SVEP1: variants seen among roughly 807,000 people sequenced by gnomAD.
SVEP1 encodes sushi, von Willebrand factor type A, EGF and pentraxin domain-containing protein 1.
Under a neutral mutation model 367.3 loss-of-function variants are expected in SVEP1, and 164 were observed. The ratio of observed to expected loss-of-function variants is 0.45; its 90% CI spans 0.39 to 0.51. The LOEUF (loss-of-function observed/expected upper bound fraction) is 0.51. Ranked by LOEUF, SVEP1 falls within the 20% of genes least tolerant of loss-of-function variation. The pLI is 0.00. For synonymous variants in SVEP1, 1,666 were observed against 1,611.6 expected, an observed-to-expected ratio of 1.03 and a Z score of -0.81; for missense variants, 4,117 against 4,425.3, an observed-to-expected ratio of 0.93 and a Z score of 1.98.
intron 3 of SVEP1, among the ~76,000 whole-genome samples, chr9:110,516,152 T>A (rs954528494): frequency 7.4e-5 from 11 of 149,548 alleles, no homozygotes; most frequent in African/African-American, 1.9e-4. Context: ...AACTAAAATA[T>A]AATATACTAA....
At position 110,408,218 on chromosome 9, in the gene SVEP1, G is replaced by A. The variant is rs765597776; in HGVS notation, c.7382C>T (p.Thr2461Ile). Residue 2461 changes from threonine (T) to isoleucine (I), a missense_variant, in exon 38 of 48, where the codon ACA becomes ATA. By Grantham distance (89) the Thr-to-Ile change is moderately conservative. Around this residue, in one of 4 missense-constraint regions of SVEP1, gnomAD observed 1,765 missense variants for 1,781.1 expected, o/e 0.99. Coordinates refer to ENST00000374469, the MANE Select transcript of SVEP1 (RefSeq NM_153366.4). ...GCCTGGCTTGCAGGTATAGAGAGCT[G>A]TGCTGAGATAGGCAAGGCCTTGCAC... Reference protein sequence around the residue: ...IDVQGLAYLSTALYTCKPGFE... With the variant: ...IDVQGLAYLSIALYTCKPGFE... 6.2e-7 allele frequency: 1 copy of A among 1,614,006 alleles called. No homozygotes were observed. The highest frequency in any genetic ancestry group is 1.1e-5 in the South Asian group (1 of 91,090).
In SVEP1 at chr9:110,385,959, GC is replaced by G; in HGVS notation, c.10175del (p.Gly3392AlafsTer31). 6.2e-7 allele frequency: 1 copy of G among 1,613,768 alleles called. No homozygotes were observed. Among genetic ancestry groups the G allele is most frequent in the Non-Finnish European group, 8.5e-7 (1 of 1,179,796 alleles). On this transcript the variant is annotated frameshift_variant, in exon 43 of 48. Coordinates refer to ENST00000374469, the MANE Select transcript of SVEP1 (RefSeq NM_153366.4). LOFTEE classifies it high-confidence loss of function. The part of the protein sequence containing the change: ...IKCREGFLLQ[G>X]HGIITCNPDE... ...CGGGGTTGCAGGTAATGATGCCGTG[GC>G]CCTGCAGCAGAAAACCTTCCCTACA...
chr9:110,474,938 C>T (rs1829076033), intron 14 of SVEP1, among the ~76,000 whole-genome samples: 2 of 151,100 alleles, frequency 1.3e-5, no homozygotes, highest in South Asian at 4.2e-4. Context: ...TCAGTATATA[C>T]ACAATAAGCA....
chr9:110,442,880 T>G (rs1564144101), intron 27 of SVEP1: 1 of 152,210 alleles, frequency 6.6e-6, no homozygotes, highest in Non-Finnish European at 1.5e-5. Context: ...GTATCCTAGT[T>G]TCATACAACT....
At chr9:110,458,693 A>C in intron 19 of SVEP1, 131 bp from the exon 20 acceptor site, 1 of 1,004,692 alleles carries the variant, frequency 1.0e-6, no homozygotes, top group East Asian at 2.6e-5. Flanking sequence ...CTTATATTTT[A>C]AAAAAGAAAA....
At chr9:110,389,078 G>A (rs530553500) in intron 41 of SVEP1, among the ~76,000 whole-genome samples, 11 of 152,228 alleles carry the variant, frequency 7.2e-5, no homozygotes, top group African/African-American at 1.2e-4. Flanking sequence ...AAATAAACTT[G>A]GTTGTTCTCA....
chr9:110,569,100 T>A (rs7855223), intron 1 of SVEP1, among the ~76,000 whole-genome samples: 16,473 of 149,952 alleles, frequency 0.11, 1,085 homozygotes, highest in East Asian at 0.31. Context: ...CTCAAAAAAA[T>A]AAATAAATAA....
Position 110,457,289 on chromosome 9 carries a change from C to A in SVEP1, c.3640G>T (p.Gly1214Cys), listed in dbSNP as rs1460276532. 1 of 1,612,366 alleles carries A rather than the reference C, an allele frequency of 6.2e-7. No individual in the cohort carries two copies. Among genetic ancestry groups the A allele is most frequent in the African/African-American group, 1.3e-5 (1 of 74,816 alleles). Residue 1214 changes from glycine (G) to cysteine (C), a missense_variant, in exon 21 of 48, where the codon GGT (glycine) becomes TGT (cysteine). Transcript: ENST00000374469. The part of the protein sequence containing the change: ...NSGTCQQLGR[G>C]YVCLCPLGYT... ...CCAAGTGGACAGAGACAAACATAAC[C>A]ACGCCCAAGTTGCTGGCAGGTTCCA...
At chr9:110,440,758 G>T (rs1012716690) in intron 27 of SVEP1, among the ~76,000 whole-genome samples, 1 of 152,192 alleles carries the variant, frequency 6.6e-6, no homozygotes, top group African/African-American at 2.4e-5. Flanking sequence ...CTAGCGTGAT[G>T]TGTATGGTAG....
At chr9:110,411,989 CTT>C (rs1030649563) in intron 36 of SVEP1, among the ~76,000 whole-genome samples, 19 of 152,034 alleles carry the variant, frequency 1.2e-4, no homozygotes, top group African/African-American at 4.3e-4. Flanking sequence ...AATATTGACT[CTT>C]TGAATATTGA....
intron 8 of SVEP1, among the ~76,000 whole-genome samples, chr9:110,490,853 G>T (rs1166793251): frequency 6.6e-6 from 1 of 151,776 alleles, no homozygotes; most frequent in Non-Finnish European, 1.5e-5. Flanking sequence ...AAGTTTGCAT[G>T]TATTATATTT....
chr9:110,455,740 G>C, intron 21 of SVEP1, 37 bp from the exon 22 acceptor site: 1 of 1,533,428 alleles, frequency 6.5e-7, no homozygotes, highest in African/African-American at 1.4e-5. Context: ...ACAATCCAAG[G>C]ATGGGATTAA....
In SVEP1 at chr9:110,411,691, C is replaced by T; in HGVS notation, c.6020G>A (p.Gly2007Asp). Residue 2007 changes from glycine to aspartate, a missense_variant, in exon 37 of 48, where the codon GGC becomes GAC. By Grantham distance (94) the Gly-to-Asp change is moderately conservative. Coordinates refer to ENST00000374469, the MANE Select transcript of SVEP1 (RefSeq NM_153366.4). ...GLDTIECLAD[G>D]KWSRSDQQCL... ...CTGCTGGTCACTTCTACTCCACTTG[C>T]CGTCGGCCAGGCATTCAATGGTGTC... 1 of 1,596,638 alleles carries T rather than the reference C, an allele frequency of 6.3e-7. No homozygotes were observed. The highest frequency in any genetic ancestry group is 8.5e-7 in the Non-Finnish European group (1 of 1,171,504).
intron 1 of SVEP1, among the ~76,000 whole-genome samples, chr9:110,556,843 TATAA>T (rs992505121): frequency 2.0e-5 from 3 of 152,108 alleles, no homozygotes; most frequent in African/African-American, 2.4e-5. Context: ...TAGAAGGAAA[TATAA>T]ATAAATAAAT....
chr9:110,394,081 G>A (rs1366226339), intron 40 of SVEP1, among the ~76,000 whole-genome samples: 2 of 152,302 alleles, frequency 1.3e-5, no homozygotes, highest in Admixed American at 1.3e-4. Flanking sequence ...CCTGACCCCC[G>A]AGTAGCCTAA....
chr9:110,574,736 C>T (rs1023287864), intron 1 of SVEP1, among the ~76,000 whole-genome samples: 1 of 146,464 alleles, frequency 6.8e-6, no homozygotes. Context: ...TGAGTCCAGT[C>T]GACCTTCTTT....
chr9:110,497,012 G>T, intron 7 of SVEP1, 79 bp from the exon 8 acceptor site: 1 of 914,404 alleles, frequency 1.1e-6, no homozygotes, highest in Non-Finnish European at 1.6e-6. Context: ...TACAAATCTA[G>T]TTATATTAAT....
At position 110,514,017 on chromosome 9, in the gene SVEP1, G is replaced by A; in HGVS notation, c.1054C>T (p.Pro352Ser). ...CAGTCTTCAGGGGATGTGCTTCCAG[G>A]TGGAGAGGTGTGATTTTCATCAGGA... ...PCPDENHTSP[P>S]GSTSPEDCVC... The change falls in exon 4 of 48, where the codon CCT (proline) becomes TCT (serine). Residue 352 changes from proline to serine, a missense_variant. Transcript: ENST00000374469. 5.6e-6 allele frequency: 9 copies of A among 1,612,358 alleles called. No individual in the cohort carries two copies. Among genetic ancestry groups the A allele is most frequent in the Non-Finnish European group, 7.6e-6 (9 of 1,179,246 alleles).
chr9:110,377,416 G>C, intron 44 of SVEP1, 50 bp from the exon 45 acceptor site: 1 of 1,555,388 alleles, frequency 6.4e-7, no homozygotes, highest in Non-Finnish European at 8.9e-7. Flanking sequence ...ATGAAGGGAA[G>C]GAGTCAGAAA....
Sources: gnomAD v4.1 joint callset for allele counts (sites outside exome capture counted in the v4.1 genomes callset) on GRCh38, gnomAD v4.1.1 for gene constraint, gnomAD v4.1.1 regional missense constraint, MANE v1.5 for transcripts, NCBI Gene and HGNC (gene_info 2026-07-23, HGNC 2026-07-21) for gene names.